The following SPATA13 variants were observed in gnomAD, a reference collection of about 807,000 sequenced individuals.
The protein encoded by SPATA13 is spermatogenesis-associated protein 13.
SPATA13 carries 50 observed loss-of-function variants against 104.0 expected under a neutral mutation model. That is an observed-to-expected ratio of 0.48 (90% confidence interval 0.38 to 0.61). The LOEUF is 0.61. Among genes scored for constraint, SPATA13 ranks in the 20% least tolerant of loss-of-function variants. SPATA13 has a pLI of 0.00. For synonymous variants in SPATA13, 606 were observed against 667.5 expected (o/e 0.91, Z 1.42); for missense variants, 1,524 against 1,690.6 (o/e 0.90, Z 1.73).
chr13:24,298,506 C>A lies in SPATA13; in HGVS notation c.3583+771C>A, dbSNP rs560724842. 2.0e-5 allele frequency among the ~76,000 whole-genome samples: 3 copies of A among 152,292 alleles called. No individual in the cohort carries two copies. The East Asian group carries it at 5.8e-4, about 29-fold the overall frequency. The stretch of plus-strand genomic sequence containing the variant: ...TGCCTGGCATTAATGATGGCAGCAC[C>A]CACAGTCTCTGAGCCTCTATTTCAT... On this transcript the variant is annotated intron_variant, in intron 11 of 12. Coordinates refer to ENST00000382108, the MANE Select transcript of SPATA13 (RefSeq NM_001166271.3).
At chr13:23,984,496 G>T (rs1875055375) in intron 2 of SPATA13, among the ~76,000 whole-genome samples, 1 of 152,142 alleles carries the variant, frequency 6.6e-6, no homozygotes, top group African/African-American at 2.4e-5. Flanking sequence ...TTCTATCATG[G>T]CCCCGCGCAG....
intron 4 of SPATA13, among the ~76,000 whole-genome samples, chr13:24,257,247 A>G (rs1180632411): frequency 6.6e-6 from 1 of 152,146 alleles, no homozygotes; most frequent in Non-Finnish European, 1.5e-5. Flanking sequence ...TCCAGAGAGG[A>G]GAGTGTCCAG....
intron 3 of SPATA13, among the ~76,000 whole-genome samples, chr13:24,045,376 T>G (rs1464262337): frequency 6.6e-6 from 1 of 152,240 alleles, no homozygotes; most frequent in East Asian, 1.9e-4. Flanking sequence ...CACCTTTTAG[T>G]ATGAGCCAAA....
At chr13:24,260,636 A>C (rs1420801204) in intron 4 of SPATA13, among the ~76,000 whole-genome samples, 4 of 152,248 alleles carry the variant, frequency 2.6e-5, no homozygotes, top group African/African-American at 9.6e-5. Context: ...GAAACTCAAT[A>C]AAAGTGAATT....
chr13:24,188,109 G>A (rs1014288677), intron 1 of SPATA13, among the ~76,000 whole-genome samples: 3 of 151,622 alleles, frequency 2.0e-5, no homozygotes, highest in African/African-American at 7.3e-5. Flanking sequence ...GGGAGGCCAA[G>A]GCGGGCAGAT....
At chr13:24,224,660 C>T in intron 2 of SPATA13, 78 bp downstream of exon 2, 1 of 1,459,218 alleles carries the variant, frequency 6.9e-7, no homozygotes, top group South Asian at 1.2e-5. Context: ...GCCCTTGGTC[C>T]CTAACCTGTC....
At chr13:24,036,411 G>A (rs995855165) in intron 3 of SPATA13, among the ~76,000 whole-genome samples, 5 of 152,192 alleles carry the variant, frequency 3.3e-5, no homozygotes, top group African/African-American at 4.8e-5. Context: ...GTAAAAAGGA[G>A]GAGTATGTAA....
chr13:24,259,498 A>G (rs1371221189), intron 4 of SPATA13, among the ~76,000 whole-genome samples: 1 of 152,260 alleles, frequency 6.6e-6, no homozygotes, highest in Non-Finnish European at 1.5e-5. Context: ...ATTGGGGATT[A>G]TCATTCAGGG....
chr13:24,175,812 TCC>T (rs1868403299), intron 1 of SPATA13, among the ~76,000 whole-genome samples: 3 of 152,204 alleles, frequency 2.0e-5, no homozygotes, highest in Admixed American at 2.0e-4. Flanking sequence ...ATTTTTCTTC[TCC>T]CACAGGAGAG....
At chr13:24,235,485 C>T (rs565188002) in intron 2 of SPATA13, among the ~76,000 whole-genome samples, 4 of 152,276 alleles carry the variant, frequency 2.6e-5, no homozygotes, top group Non-Finnish European at 5.9e-5. Context: ...GTCTGGCTGA[C>T]GTGGTGGCTC....
intron 3 of SPATA13, among the ~76,000 whole-genome samples, chr13:24,068,483 G>C (rs1416285149): frequency 6.6e-6 from 1 of 152,022 alleles, no homozygotes; most frequent in Non-Finnish European, 1.5e-5. Flanking sequence ...TATTCCTTTG[G>C]GTATGTGCCC....
chr13:24,230,034 T>C (rs1263141588), intron 2 of SPATA13, among the ~76,000 whole-genome samples: 1 of 152,150 alleles, frequency 6.6e-6, no homozygotes, highest in Non-Finnish European at 1.5e-5. Flanking sequence ...TTTCTACAGA[T>C]GGTTATGGAG....
intron 1 of SPATA13, among the ~76,000 whole-genome samples, chr13:24,180,383 C>G (rs1868723276): frequency 6.6e-6 from 1 of 152,182 alleles, no homozygotes; most frequent in African/African-American, 2.4e-5. Context: ...ACCACACTGT[C>G]TTGATTCCTG....
chr13:24,273,771 G>A (rs1246925590), intron 4 of SPATA13, among the ~76,000 whole-genome samples: 1 of 152,192 alleles, frequency 6.6e-6, no homozygotes, highest in Non-Finnish European at 1.5e-5. Context: ...CAGAGGATCA[G>A]GGAACTGAAA....
intron 2 of SPATA13, among the ~76,000 whole-genome samples, chr13:24,008,400 G>T (rs1876324262): frequency 6.6e-6 from 1 of 152,144 alleles, no homozygotes; most frequent in Non-Finnish European, 1.5e-5. Context: ...GGGGCTGGCT[G>T]ATCTTGACGC....
At position 24,021,967 on chromosome 13, in the gene SPATA13, T is replaced by C. The variant is rs141165705; in HGVS notation, c.-112+4266T>C. On this transcript the variant is annotated intron_variant, in intron 3 of 14. Transcript: ENST00000424834. ...ACCTCGTAATCTGCCTGCCTCGGCC[T>C]CCCAAAGTGCTGGGATTACAGGCGT... 4.9e-3 allele frequency among the ~76,000 whole-genome samples: 753 copies of C among 152,138 alleles called. 25 individuals carry two copies. Among genetic ancestry groups the C allele is most frequent in the Admixed American group, 0.038 (573 of 15,274 alleles).
chr13:24,099,744 A>G (rs1196609916), intron 3 of SPATA13, among the ~76,000 whole-genome samples: 1 of 152,244 alleles, frequency 6.6e-6, no homozygotes, highest in African/African-American at 2.4e-5. Flanking sequence ...CAAAAACTCC[A>G]GATTCAGGGA....
chr13:24,145,202 G>A (rs1279722287), intron 3 of SPATA13, among the ~76,000 whole-genome samples: 10 of 152,216 alleles, frequency 6.6e-5, no homozygotes, highest in African/African-American at 2.2e-4. Flanking sequence ...TGATTAAAAT[G>A]TGTAAATCCT....
At chr13:24,203,049 G>T (rs993938665) in intron 1 of SPATA13, among the ~76,000 whole-genome samples, 4 of 152,080 alleles carry the variant, frequency 2.6e-5, no homozygotes, top group African/African-American at 9.7e-5. Flanking sequence ...CGTGTGCCAT[G>T]GTGGTTGGCT....
Sources: gnomAD v4.1 joint callset for allele counts (sites outside exome capture counted in the v4.1 genomes callset) on GRCh38, gnomAD v4.1.1 for gene constraint, MANE v1.5 for transcripts, NCBI Gene and HGNC (gene_info 2026-07-23, HGNC 2026-07-21) for gene names.